Variants in THSD7A observed in about 807,000 individuals in gnomAD.
THSD7A encodes the protein thrombospondin type-1 domain-containing protein 7A.
A neutral mutation model predicts 231.3 loss-of-function variants in THSD7A; 96 were observed. The ratio of observed to expected loss-of-function variants is 0.41; its 90% CI spans 0.35 to 0.49. The LOEUF is 0.49. THSD7A is among the 20% of genes least tolerant of loss of function. The pLI, the probability that THSD7A is intolerant of heterozygous loss-of-function variation, is 0.05. For synonymous variants in THSD7A, 940 were observed against 743.3 expected (o/e 1.26, Z -4.30); for missense variants, 2,290 against 2,070.2 (o/e 1.11, Z -2.06).
In THSD7A at chr7:11,373,058, GGTGTGTGT is replaced by G. The variant is rs746458899; in HGVS notation, c.*2728_*2735del. 3 of 134,026 alleles carry G rather than the reference GGTGTGTGT, an allele frequency of 2.2e-5. No individual in the cohort carries two copies. The highest frequency in any genetic ancestry group is 2.8e-5 in the African/African-American group (1 of 35,800). The allele number at this position is 134,026 out of a possible 1,614,324, so 8.3% of individuals were successfully genotyped here. A position where few individuals can be genotyped will look rare whatever the true frequency, so the allele number is the denominator to read the frequency against. On this transcript the variant is annotated 3_prime_UTR_variant, in exon 28 of 28. Transcript: ENST00000423059. The stretch of plus-strand genomic sequence containing the variant: ...TAATTTCCTCTCTCTCATATATATG[GGTGTGTGT>G]GTGTGTGTGTGTATATATATATATG...
chr7:11,378,174 G>GCAGATTCCTTCCATCTTTTCTCATGTTTC (rs1252437663), intron 26 of THSD7A: 9 of 152,174 alleles, frequency 5.9e-5, no homozygotes, highest in Non-Finnish European at 1.2e-4. Flanking sequence ...TGCTAGCTAT[G>GCAGATTCCTTCCATCTTTTCTCATGTTTC]CAGATTCCTT....
intron 6 of THSD7A, among the ~76,000 whole-genome samples, chr7:11,528,491 C>G (rs1788569361): frequency 6.6e-6 from 1 of 151,836 alleles, no homozygotes; most frequent in South Asian, 2.1e-4. Context: ...TTCTTTTCCT[C>G]AAAGAAAAAT....
At chr7:11,399,728 T>C (rs1258766369) in intron 23 of THSD7A, among the ~76,000 whole-genome samples, 1 of 152,166 alleles carries the variant, frequency 6.6e-6, no homozygotes, top group Non-Finnish European at 1.5e-5. Context: ...GTAAACTAGT[T>C]CAGCTATCGT....
At chr7:11,472,651 C>T (rs540109773) in intron 8 of THSD7A, among the ~76,000 whole-genome samples, 1 of 152,216 alleles carries the variant, frequency 6.6e-6, no homozygotes, top group South Asian at 2.1e-4. Flanking sequence ...TTCAGGATAC[C>T]CTTCCCACTG....
Position 11,593,319 on chromosome 7 carries a change from C to G in THSD7A, c.1206G>C (p.Glu402Asp). ...IRQFPIGSEKECPEFEEKEPC... is the reference protein window; with the variant it reads ...IRQFPIGSEKDCPEFEEKEPC... ...GTTCTTTTTCTTCAAATTCTGGACA[C>G]TCCTTTTCACTGCCAATGGGAAACT... The change falls in exon 3 of 28, where the codon GAG (glutamate) becomes GAC (aspartate). Residue 402 changes from glutamate to aspartate, a missense_variant. By Grantham distance (45) the Glu-to-Asp change is conservative. Coordinates refer to ENST00000423059, the MANE Select transcript of THSD7A (RefSeq NM_015204.3). 1 of 1,613,990 alleles carries G rather than the reference C, an allele frequency of 6.2e-7. No homozygotes were observed. The highest frequency in any genetic ancestry group is 8.5e-7 in the Non-Finnish European group (1 of 1,179,892).
intron 6 of THSD7A, among the ~76,000 whole-genome samples, chr7:11,499,588 A>G (rs1056118313): frequency 6.6e-6 from 1 of 152,238 alleles, no homozygotes; most frequent in Non-Finnish European, 1.5e-5. Flanking sequence ...AAAGCAATAC[A>G]GGAGCTGAAG....
At chr7:11,467,690 A>G (rs1323498203) in intron 9 of THSD7A, among the ~76,000 whole-genome samples, 1 of 152,086 alleles carries the variant, frequency 6.6e-6, no homozygotes, top group Non-Finnish European at 1.5e-5. Flanking sequence ...TACTGTAAAA[A>G]TCACAAATTT....
At position 11,589,316 on chromosome 7, in the gene THSD7A, G is replaced by T. The variant is rs1355908079; in HGVS notation, c.1453+1144C>A. Among the ~76,000 whole-genome samples the T allele has an allele frequency of 3.9e-5, 6 of 152,006 alleles. No individual in the cohort carries two copies. The East Asian group carries it at 9.6e-4, about 24-fold the overall frequency. On this transcript the variant is annotated intron_variant, in intron 4 of 27. Transcript: ENST00000423059. Reference sequence around the variant, plus strand: ...ACAACACGCCCATCTTTACTGGTGAGATTTACCCTTGGTTTTTGCTTTTCT... The same window carrying T: ...ACAACACGCCCATCTTTACTGGTGATATTTACCCTTGGTTTTTGCTTTTCT...
chr7:11,434,720 C>G (rs1784578691), intron 13 of THSD7A, among the ~76,000 whole-genome samples: 2 of 151,790 alleles, frequency 1.3e-5, no homozygotes, highest in Admixed American at 1.3e-4. Context: ...GAAAATGTAG[C>G]TAGACTTTTA....
intron 6 of THSD7A, among the ~76,000 whole-genome samples, chr7:11,495,122 G>C (rs1229693937): frequency 3.3e-5 from 5 of 151,906 alleles, no homozygotes; most frequent in Non-Finnish European, 1.5e-5. Flanking sequence ...CAAACTTGTA[G>C]CTTGCTAAAT....
chr7:11,696,501 T>C (rs372459701), intron 1 of THSD7A, among the ~76,000 whole-genome samples: 2 of 151,424 alleles, frequency 1.3e-5, no homozygotes, highest in African/African-American at 4.8e-5. Context: ...ACATGTGCCA[T>C]GGTGGTTTGC....
At chr7:11,725,873 T>C (rs1003681555) in intron 1 of THSD7A, among the ~76,000 whole-genome samples, 2 of 151,952 alleles carry the variant, frequency 1.3e-5, no homozygotes, top group Admixed American at 1.3e-4. Flanking sequence ...ATCTATAAAA[T>C]TGGGATAATA....
chr7:11,449,343 T>C (rs1785072737), intron 11 of THSD7A, among the ~76,000 whole-genome samples: 1 of 152,074 alleles, frequency 6.6e-6, no homozygotes, highest in African/African-American at 2.4e-5. Context: ...ATCCAGATAA[T>C]GAGATACCTG....
At chr7:11,548,169 A>C (rs1212095113) in intron 4 of THSD7A, among the ~76,000 whole-genome samples, 3 of 152,146 alleles carry the variant, frequency 2.0e-5, no homozygotes, top group Non-Finnish European at 4.4e-5. Flanking sequence ...AGAAATGACA[A>C]AGGTGACATA....
intron 2 of THSD7A, among the ~76,000 whole-genome samples, chr7:11,597,183 CT>C (rs1207099604): frequency 2.6e-5 from 4 of 152,168 alleles, no homozygotes; most frequent in African/African-American, 9.6e-5. Flanking sequence ...ATTCAGGGAC[CT>C]TCTACCTCAG....
Position 11,637,780 on chromosome 7 carries a change from T to C in THSD7A, c.191-819A>G, listed in dbSNP as rs1007511306. ...AAATCAGTGGCTTTAATATGAAATA[T>C]GGGTTTTTTTCTGTGAAATCCTTCT... is the stretch of plus-strand genomic sequence containing the variant. On this transcript the variant is annotated intron_variant, in intron 1 of 27. Coordinates refer to ENST00000423059, the MANE Select transcript of THSD7A (RefSeq NM_015204.3). The surrounding 1 kb of genome is among the most constrained non-coding windows in gnomAD (Gnocchi z 4.2). Among the ~76,000 whole-genome samples the C allele has an allele frequency of 6.6e-6, 1 of 152,140 alleles. No homozygotes were observed. Among genetic ancestry groups the C allele is most frequent in the African/African-American group, 2.4e-5 (1 of 41,380 alleles).
intron 6 of THSD7A, among the ~76,000 whole-genome samples, chr7:11,535,858 C>A (rs78272323): frequency 0.015 from 2,220 of 152,152 alleles, 77 homozygotes; most frequent in African/African-American, 0.051. Context: ...GTTTCAGAAG[C>A]AAATCTTATT....
intron 2 of THSD7A, among the ~76,000 whole-genome samples, chr7:11,612,240 A>G (rs750005167): frequency 1.8e-4 from 28 of 152,118 alleles, no homozygotes; most frequent in Non-Finnish European, 3.7e-4. Flanking sequence ...CCCATGCTGC[A>G]GGCATCCCAG....
rs553758649 is a variant in THSD7A at position 11,788,059 on chromosome 7, T to G, written c.190+43698A>C. Among the ~76,000 whole-genome samples, 4 of 151,986 alleles carry G rather than the reference T, an allele frequency of 2.6e-5. No homozygotes were observed. In the South Asian group the frequency reaches 6.2e-4, roughly 24 times the overall value. On this transcript the variant is annotated intron_variant, in intron 1 of 27. Transcript: ENST00000423059. ...ATCTTGGCTACAAGGTTGGTCTTTT[T>G]TGTGTGTTTTCCTTCTTCCTCTTAA...
Sources: allele counts gnomAD v4.1 joint callset (sites outside exome capture counted in the v4.1 genomes callset), GRCh38; gene constraint gnomAD v4.1.1; non-coding constraint Gnocchi (gnomAD v3.1); transcripts MANE v1.5; gene names NCBI Gene and HGNC (gene_info 2026-07-23, HGNC 2026-07-21).